The following ZDHHC2 variants were observed in gnomAD, a reference collection of about 807,000 sequenced individuals.
ZDHHC2 encodes palmitoyltransferase ZDHHC2.
ZDHHC2 carries 51 observed loss-of-function variants against 55.6 expected under a neutral mutation model. The observed-to-expected ratio is 0.92, with a 90% CI of 0.73 to 1.16. ZDHHC2 has a LOEUF of 1.16. Ranked by LOEUF, ZDHHC2 falls within the 50% of genes most tolerant of loss-of-function variation. ZDHHC2 has a pLI of 0.00. For synonymous variants in ZDHHC2, 199 were observed against 152.9 expected, an observed-to-expected ratio of 1.30 and a Z score of -2.22; for missense variants, 491 against 442.4, an observed-to-expected ratio of 1.11 and a Z score of -0.99.
chr8:17,178,653 A>G (rs1805273385), intron 1 of ZDHHC2, among the ~76,000 whole-genome samples: 1 of 152,244 alleles, frequency 6.6e-6, no homozygotes, highest in Admixed American at 6.5e-5. Context: ...CAAGGGTTCT[A>G]GGATTAAATG....
chr8:17,162,749 C>G (rs1333756942), intron 1 of ZDHHC2: 1 of 152,218 alleles, frequency 6.6e-6, no homozygotes, highest in Non-Finnish European at 1.5e-5. Flanking sequence ...TGCCACCTTT[C>G]CGGATGCCAT....
rs756186508 is a variant in ZDHHC2 at position 17,207,960 on chromosome 8, A to G, written c.598A>G (p.Asn200Asp). The G allele has an allele frequency of 9.9e-6, 15 of 1,520,476 alleles. No homozygotes were observed. The highest frequency in any genetic ancestry group is 1.9e-4 in the Middle Eastern group (1 of 5,328). 94.2% of individuals were successfully genotyped at this position (1,520,476 alleles called of 1,614,324 possible). ...TGTTATTTTCTTCCTTTCTTTATAG[A>G]ATGGCCTACCTGATACTCAAGCCAA... ...DLQYFIKFWT[N>D]GLPDTQAKFH... Residue 200 changes from asparagine to aspartate, a missense_variant and splice_region_variant, in exon 8 of 13, where the codon AAT becomes GAT. Physicochemically the swap from Asn to Asp is conservative, Grantham distance 23 (BLOSUM62 1). Transcript: ENST00000262096.
intron 1 of ZDHHC2, among the ~76,000 whole-genome samples, chr8:17,175,877 C>T (rs542247693): frequency 6.6e-5 from 10 of 152,282 alleles, no homozygotes; most frequent in Admixed American, 3.9e-4. Context: ...AGGAGCCAAG[C>T]GTGGAGTCAG....
At chr8:17,205,197 C>G (rs1807039228) in intron 6 of ZDHHC2, among the ~76,000 whole-genome samples, 1 of 152,180 alleles carries the variant, frequency 6.6e-6, no homozygotes, top group South Asian at 2.1e-4. Context: ...AGTCCGCTTG[C>G]TTCAATGAAG....
chr8:17,189,664 G>T (rs890231755), intron 3 of ZDHHC2, among the ~76,000 whole-genome samples: 5 of 152,160 alleles, frequency 3.3e-5, no homozygotes, highest in African/African-American at 1.2e-4. Context: ...GTTAATTAAG[G>T]GTTGGGAGAG....
At chr8:17,167,399 G>A (rs191140497) in intron 1 of ZDHHC2, among the ~76,000 whole-genome samples, 15 of 145,852 alleles carry the variant, frequency 1.0e-4, no homozygotes, top group East Asian at 6.2e-4. Flanking sequence ...TCTGCCTCCC[G>A]AGTTCAAGTA....
At chr8:17,205,603 A>C in intron 6 of ZDHHC2, 52 bp from the exon 7 acceptor site, 5 of 1,529,898 alleles carry the variant, frequency 3.3e-6, no homozygotes, top group Non-Finnish European at 3.5e-6. Flanking sequence ...GCATATGCAC[A>C]TGTAGGTTGA....
rs1171396792 is a variant in ZDHHC2, at chr8:17,201,481, CTTT to C, written c.476+3096_476+3098del. Among the ~76,000 whole-genome samples, 196 of 24,166 alleles carry C rather than the reference CTTT, an allele frequency of 8.1e-3. 2 individuals are homozygous for C. The highest frequency in any genetic ancestry group is 0.018 in the African/African-American group (162 of 8,788). The allele number at this position is 24,166 out of a possible 152,430, so 15.9% of individuals were successfully genotyped here. A position where few individuals can be genotyped will look rare whatever the true frequency, so the allele number is the denominator to read the frequency against. ...GGGGCAGCCTTTTCTCTCTCTCTCT[CTTT>C]TTTTTTTTTTTTTTTTTTTTTTTTT... On this transcript the variant is annotated intron_variant, in intron 6 of 12. Transcript: ENST00000262096.
At chr8:17,211,292 T>C (rs1433572420) in intron 10 of ZDHHC2, among the ~76,000 whole-genome samples, 1 of 152,108 alleles carries the variant, frequency 6.6e-6, no homozygotes, top group African/African-American at 2.4e-5. Flanking sequence ...ATAATATCAT[T>C]CTTCATTAAA....
chr8:17,175,206 C>T (rs188086879), intron 1 of ZDHHC2, among the ~76,000 whole-genome samples: 1 of 152,194 alleles, frequency 6.6e-6, no homozygotes, highest in Non-Finnish European at 1.5e-5. Context: ...GCATGCCAAG[C>T]CCTGTTAGAA....
chr8:17,164,053 C>G (rs1194842695), intron 1 of ZDHHC2, among the ~76,000 whole-genome samples: 1 of 151,998 alleles, frequency 6.6e-6, no homozygotes, highest in African/African-American at 2.4e-5. Flanking sequence ...GAGGAGGAGG[C>G]GCTGGGTAGG....
At chr8:17,202,029 A>G (rs932586414) in intron 6 of ZDHHC2, among the ~76,000 whole-genome samples, 2 of 152,054 alleles carry the variant, frequency 1.3e-5, no homozygotes, top group Admixed American at 1.3e-4. Context: ...CTATCAAAGT[A>G]TTTTTTTCCT....
At position 17,197,606 on chromosome 8, in the gene ZDHHC2, A is replaced by T; in HGVS notation, c.398A>T (p.Gln133Leu). The change falls in exon 5 of 13, where the codon CAA (glutamine) becomes CTA (leucine). Residue 133 changes from glutamine to leucine, a missense_variant. Transcript: ENST00000262096. ...GCCATCCGATACTGTGACAGATGCCAACTTATAAAACCAGATCGCTGCCAT... is the reference window on the plus strand; with the variant it reads ...GCCATCCGATACTGTGACAGATGCCTACTTATAAAACCAGATCGCTGCCAT... ...SGAIRYCDRCQLIKPDRCHHC... is the reference protein window; with the variant it reads ...SGAIRYCDRCLLIKPDRCHHC... 6.2e-7 allele frequency: 1 copy of T among 1,613,842 alleles called. No homozygotes were observed. The highest frequency in any genetic ancestry group is 8.5e-7 in the Non-Finnish European group (1 of 1,179,756).
rs117830035 is a variant in ZDHHC2, at chr8:17,210,462, T to C, written c.932T>C (p.Leu311Pro). The C allele has an allele frequency of 6.2e-7, 1 of 1,610,476 alleles. No individual in the cohort carries two copies. Among genetic ancestry groups the C allele is most frequent in the Admixed American group, 1.7e-5 (1 of 59,444 alleles). Reference sequence around the variant, plus strand: ...GAACAAGCATCTACTCCTGCAGGGCTGAATTCCACAGCTAAAAAGTAATCT... The same window carrying C: ...GAACAAGCATCTACTCCTGCAGGGCCGAATTCCACAGCTAAAAAGTAATCT... ...DPEQASTPAGLNSTAKNLENH... is the reference protein window; with the variant it reads ...DPEQASTPAGPNSTAKNLENH... The change falls in exon 10 of 13, where the codon CTG becomes CCG. Residue 311 changes from leucine (L) to proline (P), a missense_variant. Physicochemically the swap from Leu to Pro is moderately conservative, Grantham distance 98. Transcript: ENST00000262096.
At chr8:17,161,948 A>C (rs1804364321) in intron 1 of ZDHHC2, among the ~76,000 whole-genome samples, 1 of 152,246 alleles carries the variant, frequency 6.6e-6, no homozygotes, top group South Asian at 2.1e-4. Flanking sequence ...ATATTGTTGA[A>C]TATTTTAAAG....
At chr8:17,199,509 T>TTCTTCTTCTTCTTCTTCTTCTTCG (rs1297662337) in intron 6 of ZDHHC2, among the ~76,000 whole-genome samples, 16 of 121,196 alleles carry the variant, frequency 1.3e-4, no homozygotes, top group Admixed American at 2.4e-4. Flanking sequence ...CTTCTTCTTC[T>TTCTTCTTCTTCTTCTTCTTCTTCG]TCTTCGTCTT....
intron 3 of ZDHHC2, 52 bp downstream of exon 3, chr8:17,186,477 G>C: frequency 9.4e-7 from 1 of 1,064,094 alleles, no homozygotes; most frequent in Non-Finnish European, 1.3e-6. Context: ...CAATAATACT[G>C]ATGTATTATT....
chr8:17,183,682 G>C (rs1306343485), intron 1 of ZDHHC2, among the ~76,000 whole-genome samples: 1 of 152,144 alleles, frequency 6.6e-6, no homozygotes, highest in Non-Finnish European at 1.5e-5. Context: ...CTGTCATTTA[G>C]ATCTTCTGTT....
At chr8:17,203,868 C>T (rs1417815529) in intron 6 of ZDHHC2, among the ~76,000 whole-genome samples, 1 of 144,420 alleles carries the variant, frequency 6.9e-6, no homozygotes, top group Non-Finnish European at 1.5e-5. Context: ...AGTGCAGTGG[C>T]GCAATCTCAG....
Sources: gnomAD v4.1 joint callset for allele counts (sites outside exome capture counted in the v4.1 genomes callset) on GRCh38, gnomAD v4.1.1 for gene constraint, MANE v1.5 for transcripts, NCBI Gene and HGNC (gene_info 2026-07-23, HGNC 2026-07-21) for gene names.